CD101: variants seen among roughly 807,000 people sequenced by gnomAD.
CD101 encodes immunoglobulin superfamily member 2.
In CD101, 76 loss-of-function variants were observed where a neutral mutation model predicts 98.2. That is an observed-to-expected ratio of 0.77 (90% CI 0.64 to 0.94). The LOEUF (loss-of-function observed/expected upper bound fraction) is 0.94. Ranked by LOEUF, CD101 falls within the 40% of genes least tolerant of loss-of-function variation. CD101 has a pLI of 0.00. For missense variants in CD101, 1,145 were observed against 1,218.8 expected, an observed-to-expected ratio of 0.94 and a Z score of 0.90; for synonymous variants, 471 against 472.7, an observed-to-expected ratio of 1.00 and a Z score of 0.05.
At chr1:117,009,372 A>C (rs1652738806) in intron 1 of CD101, among the ~76,000 whole-genome samples, 1 of 152,252 alleles carries the variant, frequency 6.6e-6, no homozygotes, top group African/African-American at 2.4e-5. Flanking sequence ...GATAGTTCCA[A>C]CCAACCAGCT....
chr1:117,016,382 C>T (rs1337980801), intron 4 of CD101, among the ~76,000 whole-genome samples: 1 of 151,870 alleles, frequency 6.6e-6, no homozygotes, highest in African/African-American at 2.4e-5. Context: ...GGAAGATTGT[C>T]TTGAACTCTG....
Position 117,011,677 on chromosome 1 carries a change from G to C in CD101, c.552G>C (p.Trp184Cys), listed in dbSNP as rs529405423. ...AACATACTCACCTCTCTGTCACCTG[G>C]TACCTAACACAGGATGGAGGAGGAA... ...TAQHTHLSVT[W>C]YLTQDGGGSQ... The change falls in exon 3 of 10, where the codon TGG (tryptophan) becomes TGC (cysteine). Residue 184 changes from tryptophan to cysteine, a missense_variant. Physicochemically the swap from Trp to Cys is radical, Grantham distance 215. Transcript: ENST00000682167. 2 of 1,614,106 alleles carry C rather than the reference G, an allele frequency of 1.2e-6. No individual in the cohort carries two copies. The highest frequency in any genetic ancestry group is 8.5e-7 in the Non-Finnish European group (1 of 1,180,004).
At chr1:117,029,191 GAAAGAAAGA>G (rs1570744508) in intron 8 of CD101, among the ~76,000 whole-genome samples, 6 of 83,960 alleles carry the variant, frequency 7.1e-5, no homozygotes, top group Admixed American at 1.3e-4. Flanking sequence ...AAGAAAGAAA[GAAAGAAAGA>G]AAGAAAAGAA....
At chr1:117,032,480 G>T (rs913872293) in intron 8 of CD101, 16 of 152,184 alleles carry the variant, frequency 1.1e-4, no homozygotes, top group African/African-American at 3.1e-4. Context: ...TGTAGGATTC[G>T]TCGGCAATGC....
At chr1:117,032,130 A>G (rs954657516) in intron 8 of CD101, 2 of 152,168 alleles carry the variant, frequency 1.3e-5, no homozygotes, top group African/African-American at 4.8e-5. Context: ...AAAAAACAAA[A>G]CTAAATTTAG....
At position 117,010,579 on chromosome 1, in the gene CD101, C is replaced by G. The variant is rs1652828395; in HGVS notation, c.424+349C>G. ...GCTTGCAGGCAGAACAGTAATTTGA[C>G]AAGAAAGCTGGTACCATAGGTGATA... is the stretch of plus-strand genomic sequence containing the variant. On this transcript the variant is annotated intron_variant, in intron 2 of 9. Transcript: ENST00000682167. The surrounding 1 kb of genome is among the most constrained non-coding windows in gnomAD (Gnocchi z 5.2). Among the ~76,000 whole-genome samples, 1 of 152,184 alleles carries G rather than the reference C, an allele frequency of 6.6e-6. No homozygotes were observed. Among genetic ancestry groups the G allele is most frequent in the Non-Finnish European group, 1.5e-5 (1 of 68,040 alleles).
chr1:117,004,879 A>AG lies in CD101; in HGVS notation c.43+3025dup, dbSNP rs963839055. Among the ~76,000 whole-genome samples the AG allele has an allele frequency of 1.1e-5, 1 of 87,922 alleles. No homozygotes were observed. Among genetic ancestry groups the AG allele is most frequent in the African/African-American group, 4.3e-5 (1 of 23,142 alleles). The allele number at this position is 87,922 out of a possible 152,430, so 57.7% of individuals were successfully genotyped here. A position where few individuals can be genotyped will look rare whatever the true frequency, so the allele number is the denominator to read the frequency against. ...TACCATAAACTGGGGCGGGTGGGGG[A>AG]GGGGGGCTTATAAACAACAGAAATT... On this transcript the variant is annotated intron_variant, in intron 1 of 9. Coordinates refer to ENST00000682167, the MANE Select transcript of CD101 (RefSeq NM_001256106.3). The surrounding 1 kb of genome is among the most constrained non-coding windows in gnomAD (Gnocchi z 4.1).
Position 117,019,806 on chromosome 1 carries a change from T to C in CD101, c.2017+1246T>C, listed in dbSNP as rs1167303065. On this transcript the variant is annotated intron_variant, in intron 6 of 9. Transcript: ENST00000682167. The surrounding 1 kb of genome is among the most constrained non-coding windows in gnomAD (Gnocchi z 4.3). Reference sequence around the variant, plus strand: ...TCATCCAAAGCTCTTTCTTCTGCATTGCCCCTTATGTCCCCACTCCTCACC... The same window carrying C: ...TCATCCAAAGCTCTTTCTTCTGCATCGCCCCTTATGTCCCCACTCCTCACC... 6.6e-6 allele frequency among the ~76,000 whole-genome samples: 1 copy of C among 152,212 alleles called. No individual in the cohort carries two copies. The highest frequency in any genetic ancestry group is 1.5e-5 in the Non-Finnish European group (1 of 68,044).
chr1:117,004,800 C>G lies in CD101; in HGVS notation c.43+2940C>G, dbSNP rs1652434911. 1.3e-5 allele frequency among the ~76,000 whole-genome samples: 2 copies of G among 150,372 alleles called. No individual in the cohort carries two copies. The highest frequency in any genetic ancestry group is 4.2e-4 in the South Asian group (2 of 4,718). ...TTTGAAATCTCCACACTATTTCTTT[C>G]ACTTTTCTCAGAAAGTAGTATGTCT... On this transcript the variant is annotated intron_variant, in intron 1 of 9. Coordinates refer to ENST00000682167, the MANE Select transcript of CD101 (RefSeq NM_001256106.3). The surrounding 1 kb of genome is among the most constrained non-coding windows in gnomAD (Gnocchi z 4.1).
intron 8 of CD101, among the ~76,000 whole-genome samples, chr1:117,031,648 G>A (rs966654857): frequency 2.0e-5 from 3 of 152,214 alleles, no homozygotes. Flanking sequence ...AGCTTTCTCA[G>A]TAGCATTCTA....
Position 117,016,757 on chromosome 1 carries a change from G to A in CD101, c.1229-333G>A, listed in dbSNP as rs538806850. ...CCTGTAGTCCCAGCTACTGAGGCACGAGGCAGGAGAATTGCTTGAGCCAAG... is the reference window on the plus strand; with the variant it reads ...CCTGTAGTCCCAGCTACTGAGGCACAAGGCAGGAGAATTGCTTGAGCCAAG... On this transcript the variant is annotated intron_variant, in intron 4 of 9. Transcript: ENST00000682167. 1.4e-4 allele frequency among the ~76,000 whole-genome samples: 22 copies of A among 152,338 alleles called. 1 individual carries two copies. The South Asian group carries it at 2.3e-3, about 16-fold the overall frequency.
At chr1:117,002,001 C>A in intron 1 of CD101, 141 bp downstream of exon 1, 2 of 765,558 alleles carry the variant, frequency 2.6e-6, no homozygotes, top group Non-Finnish European at 4.2e-6. Context: ...TTTTGACTTA[C>A]TAATGACAGT....
rs1222018643 is a variant in CD101, at chr1:117,017,487, G to T, written c.1612+14G>T. The T allele has an allele frequency of 2.5e-6, 4 of 1,594,294 alleles. No individual in the cohort carries two copies. The highest frequency in any genetic ancestry group is 3.4e-6 in the Non-Finnish European group (4 of 1,168,752). On this transcript the variant is annotated intron_variant, in intron 5 of 9. Transcript: ENST00000682167. ...TAAAGTCTCTGGGTAAGTGTCAAAG[G>T]AAGTCCTTTTCTGCACCTGTATATC...
In CD101 at chr1:117,033,812, C is replaced by A; in HGVS notation, c.2825-48C>A. 3 of 1,611,030 alleles carry A rather than the reference C, an allele frequency of 1.9e-6. No homozygotes were observed. Among genetic ancestry groups the A allele is most frequent in the Non-Finnish European group, 2.5e-6 (3 of 1,178,158 alleles). On this transcript the variant is annotated intron_variant, in intron 8 of 9. Coordinates refer to ENST00000682167, the MANE Select transcript of CD101 (RefSeq NM_001256106.3). The surrounding 1 kb of genome is among the most constrained non-coding windows in gnomAD (Gnocchi z 4.8). Reference sequence around the variant, plus strand: ...CAGGAGTGTTTGTAATTGACTAGTACAAATAAGTTGGAGATGAATTACTCT... The same window carrying A: ...CAGGAGTGTTTGTAATTGACTAGTAAAAATAAGTTGGAGATGAATTACTCT...
chr1:117,009,245 C>G (rs17036699), intron 1 of CD101, among the ~76,000 whole-genome samples: 4,213 of 152,318 alleles, frequency 0.028, 171 homozygotes, highest in African/African-American at 0.09. Flanking sequence ...TATAGTGGCT[C>G]TTTAAGAAAT....
chr1:117,028,360 G>T (rs545081727), intron 8 of CD101, among the ~76,000 whole-genome samples: 1 of 152,308 alleles, frequency 6.6e-6, no homozygotes, highest in South Asian at 2.1e-4. Context: ...AGCTTAGATG[G>T]ATAGTCGGGT....
At position 117,011,976 on chromosome 1, in the gene CD101, T is replaced by C; in HGVS notation, c.841+10T>C. On this transcript the variant is annotated intron_variant, in intron 3 of 9. Coordinates refer to ENST00000682167, the MANE Select transcript of CD101 (RefSeq NM_001256106.3). Reference sequence around the variant, plus strand: ...AGGATCCAGCCAGCAGGTAATTATCTTCCTACGAAATTCATTAATACACTA... The same window carrying C: ...AGGATCCAGCCAGCAGGTAATTATCCTCCTACGAAATTCATTAATACACTA... 1 of 1,603,964 alleles carries C rather than the reference T, an allele frequency of 6.2e-7. No homozygotes were observed. Among genetic ancestry groups the C allele is most frequent in the Non-Finnish European group, 8.5e-7 (1 of 1,173,120 alleles).
At chr1:117,035,274 A>T (rs761200324) in intron 9 of CD101, among the ~76,000 whole-genome samples, 21 of 152,210 alleles carry the variant, frequency 1.4e-4, no homozygotes, top group Non-Finnish European at 2.8e-4. Context: ...GAGTTGCTTT[A>T]ACACTCGTTA....
Position 117,034,124 on chromosome 1 carries a change from A to T in CD101, c.*23A>T. The T allele has an allele frequency of 6.2e-7, 1 of 1,612,556 alleles. No homozygotes were observed. The highest frequency in any genetic ancestry group is 8.5e-7 in the Non-Finnish European group (1 of 1,179,540). On this transcript the variant is annotated 3_prime_UTR_variant, in exon 9 of 10. Transcript: ENST00000682167. ...TGAATCCCAAGAGGCACCTGCAGCC[A>T]GGAAGGAAAGGTGGGGGCTTTTTAA...
Sources: gnomAD v4.1 joint callset for allele counts (sites outside exome capture counted in the v4.1 genomes callset) on GRCh38, gnomAD v4.1.1 for gene constraint, Gnocchi (gnomAD v3.1) non-coding constraint, MANE v1.5 for transcripts, NCBI Gene and HGNC (gene_info 2026-07-23, HGNC 2026-07-21) for gene names.